The following GABRB1 variants were observed in gnomAD, a reference collection of about 807,000 sequenced individuals.
The protein encoded by GABRB1 is gamma-aminobutyric acid receptor subunit beta-1.
Under a neutral mutation model 51.6 loss-of-function variants are expected in GABRB1, and 17 were observed. That is an observed-to-expected ratio of 0.33 (90% CI 0.23 to 0.49). GABRB1 has a LOEUF of 0.49. Ranked by LOEUF, GABRB1 falls within the 20% of genes least tolerant of loss-of-function variation. The probability of loss-of-function intolerance (pLI) is 0.99; values close to 1 mark genes in which losing one functional copy is unlikely to be tolerated. For missense variants in GABRB1, 410 were observed against 600.6 expected, an observed-to-expected ratio of 0.68 and a Z score of 3.32; for synonymous variants, 247 against 218.9, an observed-to-expected ratio of 1.13 and a Z score of -1.14.
At chr4:47,112,305 G>C (rs1715255589) in intron 3 of GABRB1, among the ~76,000 whole-genome samples, 1 of 152,022 alleles carries the variant, frequency 6.6e-6, no homozygotes, top group African/African-American at 2.4e-5. Flanking sequence ...GGGACTACAG[G>C]CATGTTTGCC....
intron 4 of GABRB1, among the ~76,000 whole-genome samples, chr4:47,205,472 G>T (rs942662311): frequency 2.0e-5 from 3 of 151,934 alleles, no homozygotes; most frequent in Non-Finnish European, 4.4e-5. Flanking sequence ...AATTAATTTT[G>T]TCCAAAGCAA....
At chr4:47,271,466 A>G (rs1722870053) in intron 4 of GABRB1, among the ~76,000 whole-genome samples, 1 of 152,196 alleles carries the variant, frequency 6.6e-6, no homozygotes, top group Non-Finnish European at 1.5e-5. Context: ...CTACTTCTCC[A>G]GAAAGAGGCA....
intron 5 of GABRB1, among the ~76,000 whole-genome samples, chr4:47,398,958 T>C (rs1356855571): frequency 1.3e-5 from 2 of 152,094 alleles, no homozygotes; most frequent in Non-Finnish European, 2.9e-5. Context: ...GTCCGGCTAA[T>C]TTTCTGTATT....
chr4:47,155,300 G>C (rs1448554040), intron 3 of GABRB1, among the ~76,000 whole-genome samples: 1 of 152,002 alleles, frequency 6.6e-6, no homozygotes, highest in Non-Finnish European at 1.5e-5. Flanking sequence ...AGCTAAACTG[G>C]CATGAATATT....
chr4:47,046,713 CA>C (rs1726105927), intron 3 of GABRB1, among the ~76,000 whole-genome samples: 1 of 151,866 alleles, frequency 6.6e-6, no homozygotes, highest in African/African-American at 2.4e-5. Flanking sequence ...AAATCTGTAA[CA>C]ATAGCAAAGA....
chr4:47,120,024 G>T (rs930323301), intron 3 of GABRB1, among the ~76,000 whole-genome samples: 2 of 152,046 alleles, frequency 1.3e-5, no homozygotes, highest in African/African-American at 2.4e-5. Flanking sequence ...AAATTAAAAA[G>T]TCAATTTGAT....
intron 4 of GABRB1, among the ~76,000 whole-genome samples, chr4:47,264,399 G>T (rs895444075): frequency 1.3e-5 from 2 of 152,202 alleles, no homozygotes; most frequent in African/African-American, 4.8e-5. Flanking sequence ...CAAAGAGAAA[G>T]CAAGGAATTA....
chr4:47,280,604 T>C (rs890685524), intron 4 of GABRB1, among the ~76,000 whole-genome samples: 3 of 151,592 alleles, frequency 2.0e-5, no homozygotes, highest in East Asian at 1.9e-4. Flanking sequence ...TATTTTTGTC[T>C]GAGAAAGTTT....
intron 3 of GABRB1, among the ~76,000 whole-genome samples, chr4:47,096,822 C>T (rs867817912): frequency 3.3e-5 from 5 of 152,130 alleles, no homozygotes; most frequent in African/African-American, 1.2e-4. Context: ...TGGGCAGTCA[C>T]TAGAGACTAC....
intron 3 of GABRB1, among the ~76,000 whole-genome samples, chr4:47,115,590 G>T (rs1715442473): frequency 6.6e-6 from 1 of 151,426 alleles, no homozygotes; most frequent in African/African-American, 2.4e-5. Context: ...TTTCATTTCT[G>T]GTGTTATGTT....
At chr4:47,334,703 A>G (rs1026842143) in intron 5 of GABRB1, among the ~76,000 whole-genome samples, 3 of 152,218 alleles carry the variant, frequency 2.0e-5, no homozygotes, top group African/African-American at 7.2e-5. Flanking sequence ...CACCTCCGCT[A>G]TCTAGAGGTC....
intron 4 of GABRB1, among the ~76,000 whole-genome samples, chr4:47,213,599 C>A (rs916568893): frequency 3.6e-4 from 55 of 152,030 alleles, no homozygotes; most frequent in African/African-American, 1.3e-3. Flanking sequence ...GCCTGGAAAT[C>A]TTTAGTAGTA....
At chr4:47,080,821 A>G (rs1156627566) in intron 3 of GABRB1, among the ~76,000 whole-genome samples, 1 of 152,172 alleles carries the variant, frequency 6.6e-6, no homozygotes, top group Non-Finnish European at 1.5e-5. Flanking sequence ...AGGCTAAGAG[A>G]GGAGCTTTAT....
intron 8 of GABRB1, among the ~76,000 whole-genome samples, chr4:47,410,058 G>A (rs904836367): frequency 2.6e-5 from 4 of 152,128 alleles, no homozygotes; most frequent in South Asian, 4.1e-4. Flanking sequence ...ATTGTCTCTC[G>A]AATCAGTAAA....
chr4:47,107,969 A>G (rs934100667), intron 3 of GABRB1, among the ~76,000 whole-genome samples: 2 of 152,022 alleles, frequency 1.3e-5, no homozygotes, highest in African/African-American at 2.4e-5. Context: ...GATCAACAAT[A>G]TTTTGTTTTT....
intron 5 of GABRB1, among the ~76,000 whole-genome samples, chr4:47,381,296 C>T (rs1014510587): frequency 6.6e-6 from 1 of 152,254 alleles, no homozygotes; most frequent in African/African-American, 2.4e-5. Flanking sequence ...GTCCTCACTC[C>T]ACTGGTGACT....
chr4:47,007,897 A>T (rs62303738), intron 1 of GABRB1, among the ~76,000 whole-genome samples: 3 of 123,586 alleles, frequency 2.4e-5, no homozygotes, highest in Admixed American at 8.7e-5. Flanking sequence ...TATATATAAA[A>T]TCAAGTTTGT....
At chr4:47,375,661 G>A (rs1288364068) in intron 5 of GABRB1, among the ~76,000 whole-genome samples, 2 of 152,316 alleles carry the variant, frequency 1.3e-5, no homozygotes, top group East Asian at 3.9e-4. Flanking sequence ...AGGGAAAAGA[G>A]CATGGAGATT....
intron 1 of GABRB1, among the ~76,000 whole-genome samples, chr4:47,014,822 T>C (rs1040955911): frequency 3.3e-5 from 5 of 152,338 alleles, no homozygotes; most frequent in Admixed American, 6.5e-5. Flanking sequence ...GGATACTCTA[T>C]GAAAAAGTAT....
Sources: allele counts gnomAD v4.1 joint callset (sites outside exome capture counted in the v4.1 genomes callset), GRCh38; gene constraint gnomAD v4.1.1; transcripts MANE v1.5; gene names NCBI Gene and HGNC (gene_info 2026-07-23, HGNC 2026-07-21).